RAB8B: variants seen among roughly 807,000 people sequenced by gnomAD.
RAB8B encodes RAB8B, member RAS oncogene family, also known as ras-related protein Rab-8B.
A neutral mutation model predicts 32.0 loss-of-function variants in RAB8B; 11 were observed. The ratio of observed to expected loss-of-function variants is 0.34; its 90% CI spans 0.22 to 0.57. The LOEUF is 0.57. RAB8B is among the 20% of genes least tolerant of loss of function. The pLI is 0.86. For synonymous variants in RAB8B, 103 were observed against 89.6 expected, an observed-to-expected ratio of 1.15 and a Z score of -0.85; for missense variants, 190 against 258.5, an observed-to-expected ratio of 0.73 and a Z score of 1.82.
intron 1 of RAB8B, among the ~76,000 whole-genome samples, chr15:63,197,889 C>T (rs1471891871): frequency 2.0e-5 from 3 of 151,798 alleles, no homozygotes; most frequent in East Asian, 3.9e-4. Flanking sequence ...AGAGGGAGGG[C>T]GGCAACTTCC....
At chr15:63,225,547 A>G (rs895846455) in intron 1 of RAB8B, among the ~76,000 whole-genome samples, 6 of 152,210 alleles carry the variant, frequency 3.9e-5, no homozygotes, top group African/African-American at 1.2e-4. Context: ...AGACACTTTC[A>G]TATCTTAGGA....
intron 1 of RAB8B, chr15:63,223,046 A>T (rs1232936904): frequency 4.4e-6 from 2 of 455,854 alleles, no homozygotes; most frequent in African/African-American, 4.0e-5. Flanking sequence ...CTTCAGAGCA[A>T]CTTCCAGTCC....
In RAB8B at chr15:63,201,312, A is replaced by T. The variant is rs963963078; in HGVS notation, c.124+11564A>T. 4.6e-5 allele frequency among the ~76,000 whole-genome samples: 7 copies of T among 152,198 alleles called. No homozygotes were observed. In the East Asian group the frequency reaches 1.3e-3, roughly 29 times the overall value. On this transcript the variant is annotated intron_variant, in intron 1 of 7. Coordinates refer to ENST00000321437, the MANE Select transcript of RAB8B (RefSeq NM_016530.3). ...GGTCGAGGAAGGGCTCTAGGAGGGA[A>T]TTATATCTCAGCTCAGATTGGACCC...
At chr15:63,246,246 T>G (rs2120686) in intron 2 of RAB8B, among the ~76,000 whole-genome samples, 145,733 of 152,272 alleles carry the variant, frequency 0.96, 69,794 homozygotes, top group East Asian at 1. Context: ...CTCAGTTGTG[T>G]AATATTCTAC....
intron 1 of RAB8B, among the ~76,000 whole-genome samples, chr15:63,231,049 A>G (rs2037932883): frequency 6.6e-6 from 1 of 152,174 alleles, no homozygotes; most frequent in Admixed American, 6.5e-5. Context: ...TTTACAGTTC[A>G]TACCAATATA....
chr15:63,256,455 A>C (rs2038159502), intron 4 of RAB8B, 50 bp from the exon 5 acceptor site: 1 of 1,335,912 alleles, frequency 7.5e-7, no homozygotes, highest in Non-Finnish European at 1.0e-6. Context: ...TCTATTAAGT[A>C]ACGGGTTTTT....
intron 1 of RAB8B, among the ~76,000 whole-genome samples, chr15:63,206,704 C>T (rs1412062118): frequency 6.6e-6 from 1 of 152,104 alleles, no homozygotes; most frequent in Non-Finnish European, 1.5e-5. Context: ...CTATTGAAAT[C>T]ATCCTCATTC....
At chr15:63,262,779 G>C (rs368210227) in intron 7 of RAB8B, 37 bp downstream of exon 7, 23 of 1,127,182 alleles carry the variant, frequency 2.0e-5, no homozygotes, top group Non-Finnish European at 2.4e-5. Flanking sequence ...CCATTATGCT[G>C]TCTGTTTGGC....
intron 4 of RAB8B, among the ~76,000 whole-genome samples, 178 bp from the exon 5 acceptor site, chr15:63,256,327 G>A (rs1028299381): frequency 6.6e-6 from 1 of 152,098 alleles, no homozygotes; most frequent in Admixed American, 6.5e-5. Context: ...CTCTGTGAGG[G>A]CTCTTGTACT....
At chr15:63,230,262 T>C (rs2037924941) in intron 1 of RAB8B, among the ~76,000 whole-genome samples, 2 of 152,184 alleles carry the variant, frequency 1.3e-5, no homozygotes, top group South Asian at 4.1e-4. Context: ...CGCTGGAAGT[T>C]TGCAGTTATG....
rs2038180706 is a variant in RAB8B, at chr15:63,259,083, GA to G, written c.415-537del. On this transcript the variant is annotated intron_variant, in intron 5 of 7. Coordinates refer to ENST00000321437, the MANE Select transcript of RAB8B (RefSeq NM_016530.3). This position sits in a 1 kb window ranked among gnomAD's most constrained non-coding sequence, Gnocchi z 4.4. The stretch of plus-strand genomic sequence containing the variant: ...TTAGAGAACTAAAAGTACAAAAACA[GA>G]AAAAAAGAGAAGTACTTAAATTATT... Among the ~76,000 whole-genome samples, 1 of 151,452 alleles carries G rather than the reference GA, an allele frequency of 6.6e-6. No homozygotes were observed. The highest frequency in any genetic ancestry group is 1.9e-4 in the East Asian group (1 of 5,182).
At chr15:63,227,930 C>G (rs2037902668) in intron 1 of RAB8B, among the ~76,000 whole-genome samples, 1 of 151,312 alleles carries the variant, frequency 6.6e-6, no homozygotes, top group African/African-American at 2.4e-5. Flanking sequence ...TTTTCTCTTT[C>G]CTTTCCTTTC....
intron 1 of RAB8B, among the ~76,000 whole-genome samples, chr15:63,205,351 T>A (rs534216057): frequency 4.6e-5 from 7 of 152,016 alleles, no homozygotes; most frequent in African/African-American, 1.7e-4. Context: ...AATTTAAAAA[T>A]TAGCCAGGTG....
At chr15:63,215,901 G>A (rs2037787606) in intron 1 of RAB8B, among the ~76,000 whole-genome samples, 2 of 151,992 alleles carry the variant, frequency 1.3e-5, no homozygotes, top group South Asian at 4.2e-4. Context: ...AGCCAGGTGT[G>A]GTGACATGCA....
intron 1 of RAB8B, among the ~76,000 whole-genome samples, chr15:63,212,812 A>G (rs943574401): frequency 3.3e-5 from 5 of 152,248 alleles, no homozygotes; most frequent in African/African-American, 7.2e-5. Flanking sequence ...CCGTCTTTGT[A>G]TATAATCATC....
chr15:63,239,623 C>G (rs559265870), intron 1 of RAB8B, among the ~76,000 whole-genome samples: 1 of 152,068 alleles, frequency 6.6e-6, no homozygotes, highest in Non-Finnish European at 1.5e-5. Flanking sequence ...GTTGGCCAGG[C>G]TGGCCAACTC....
chr15:63,256,624 G>T, intron 5 of RAB8B, 30 bp downstream of exon 5: 1 of 1,450,998 alleles, frequency 6.9e-7, no homozygotes, highest in Non-Finnish European at 9.5e-7. Context: ...ATAAAGGTTG[G>T]AATCTACTCA....
At chr15:63,228,167 C>A (rs2037905229) in intron 1 of RAB8B, among the ~76,000 whole-genome samples, 1 of 152,106 alleles carries the variant, frequency 6.6e-6, no homozygotes, top group Non-Finnish European at 1.5e-5. Context: ...CAGGCACACA[C>A]CACCACACCC....
intron 1 of RAB8B, among the ~76,000 whole-genome samples, chr15:63,196,981 C>T (rs2037605885): frequency 1.3e-5 from 2 of 152,224 alleles, no homozygotes; most frequent in South Asian, 4.1e-4. Flanking sequence ...TTGTCTCTGC[C>T]CATTAGCTTC....
Sources: allele counts gnomAD v4.1 joint callset (sites outside exome capture counted in the v4.1 genomes callset), GRCh38; gene constraint gnomAD v4.1.1; non-coding constraint Gnocchi (gnomAD v3.1); transcripts MANE v1.5; gene names NCBI Gene and HGNC (gene_info 2026-07-23, HGNC 2026-07-21).